The following GK3 variants were observed in gnomAD, a reference collection of about 807,000 sequenced individuals.
GK3 encodes glycerol kinase 3.
chr4:165,278,137 C>T, the GK3 span: 3 of 1,532,474 alleles, frequency 2.0e-6, no homozygotes, highest in South Asian at 1.1e-5. Flanking sequence ...CAGCTTTCTT[C>T]CATGTAGAAT....
the GK3 span, chr4:165,279,703 G>A: frequency 7.3e-7 from 1 of 1,372,178 alleles, no homozygotes; most frequent in Non-Finnish European, 1.0e-6. Context: ...ACGGCGGCGG[G>A]AGGGGGAGGG....
chr4:165,279,005 T>C, the GK3 span: 1 of 1,504,398 alleles, frequency 6.6e-7, no homozygotes, highest in African/African-American at 1.4e-5. Context: ...TTTATCCCAT[T>C]CCAAAGAATG....
the GK3 span, chr4:165,278,290 G>A: frequency 1.6e-4 from 164 of 1,052,902 alleles, 1 homozygote; most frequent in African/African-American, 2.2e-3. Context: ...CAGTGGTTTC[G>A]GGCATCAAGG....
chr4:165,278,274 C>G, the GK3 span: 3 of 1,070,370 alleles, frequency 2.8e-6, no homozygotes, highest in South Asian at 1.2e-5. Flanking sequence ...ATGGCAGCAC[C>G]CAGTGCAGTG....
chr4:165,278,301 G>A, the GK3 span: 19 of 1,073,490 alleles, frequency 1.8e-5, no homozygotes, highest in Admixed American at 1.7e-4. Context: ...GGCATCAAGG[G>A]CTTCACTACT....
chr4:165,278,520 C>T, the GK3 span: 144 of 1,608,672 alleles, frequency 9.0e-5, no homozygotes, highest in Middle Eastern at 1.7e-4. Context: ...ATCCCTCTTG[C>T]GCTGGGCTCC....
chr4:165,279,316 A>G, the GK3 span: 13 of 1,557,306 alleles, frequency 8.3e-6, no homozygotes, highest in South Asian at 7.8e-5. Context: ...ACACCACAGC[A>G]TTGTAGAGAG....
the GK3 span, chr4:165,277,986 A>G: frequency 1.5e-6 from 2 of 1,300,584 alleles, no homozygotes; most frequent in Non-Finnish European, 2.2e-6. Flanking sequence ...GGTAGGTTTT[A>G]TGGAATACCT....
the GK3 span, chr4:165,278,841 A>C: frequency 6.5e-7 from 1 of 1,537,322 alleles, no homozygotes; most frequent in Admixed American, 1.7e-5. Flanking sequence ...ATCTGGAAGC[A>C]CATTTGTCCC....
chr4:165,278,310 C>G, the GK3 span: 4 of 1,087,116 alleles, frequency 3.7e-6, no homozygotes, highest in African/African-American at 6.2e-5. Context: ...GGCTTCACTA[C>G]TGGAATATAC....
chr4:165,278,551 C>G, the GK3 span: 21 of 1,611,478 alleles, frequency 1.3e-5, no homozygotes, highest in Non-Finnish European at 1.8e-5. Context: ...CATATAACCC[C>G]GAAAATGCTG....
chr4:165,279,268 A>G, the GK3 span: 20 of 1,532,824 alleles, frequency 1.3e-5, no homozygotes, highest in South Asian at 2.2e-4. Context: ...TTCTTTTACT[A>G]AGACTCTCAA....
chr4:165,279,578 G>A, the GK3 span: 2 of 1,600,510 alleles, frequency 1.2e-6, no homozygotes, highest in South Asian at 2.2e-5. Context: ...CAAAAAGCGC[G>A]TGGAACTGGT....
the GK3 span, chr4:165,279,378 C>T: frequency 2.5e-6 from 4 of 1,585,032 alleles, no homozygotes; most frequent in Non-Finnish European, 3.5e-6. Context: ...TGGTTGCTGA[C>T]ACCAATAGCT....
the GK3 span, chr4:165,279,042 C>G: frequency 1.3e-5 from 19 of 1,503,628 alleles, no homozygotes; most frequent in East Asian, 4.5e-5. Flanking sequence ...GTCCTACTTG[C>G]ATTTGTTACA....
the GK3 span, chr4:165,279,204 A>G: frequency 6.5e-7 from 1 of 1,535,876 alleles, no homozygotes; most frequent in Non-Finnish European, 9.0e-7. Flanking sequence ...GCACTGAAGT[A>G]AGTGCTAAGT....
At chr4:165,277,965 A>G in the GK3 span, 3 of 1,088,236 alleles carry the variant, frequency 2.8e-6, no homozygotes, top group Non-Finnish European at 4.3e-6. Flanking sequence ...CATCTTGGGA[A>G]TCCATGAGTT....
At chr4:165,277,916 A>G in the GK3 span, 1 of 876,302 alleles carries the variant, frequency 1.1e-6, no homozygotes, top group Non-Finnish European at 2.0e-6. Flanking sequence ...GCATTAAGAG[A>G]CAATTGCTGG....
the GK3 span, chr4:165,278,636 C>CTTAG: frequency 6.3e-7 from 1 of 1,591,572 alleles, no homozygotes. Flanking sequence ...CTTTATAATT[C>CTTAG]CAAGATTGTC....
Sources: allele counts gnomAD v4.1 joint callset, GRCh38; gene constraint gnomAD v4.1.1; transcripts MANE v1.5; gene names NCBI Gene and HGNC (gene_info 2026-07-23, HGNC 2026-07-21).